KIAA1328: variants seen among roughly 807,000 people sequenced by gnomAD.
KIAA1328 encodes the protein KIAA1328.
Under a neutral mutation model 68.1 loss-of-function variants are expected in KIAA1328, and 52 were observed. That is an observed-to-expected ratio of 0.76 (90% CI 0.61 to 0.96). KIAA1328 has a LOEUF of 0.96. Ranked by LOEUF, KIAA1328 falls within the 40% of genes least tolerant of loss-of-function variation. KIAA1328 has a pLI of 0.00. For missense variants in KIAA1328, 641 were observed against 677.6 expected (o/e 0.95, Z 0.60); for synonymous variants, 232 against 239.4 (o/e 0.97, Z 0.28).
intron 5 of KIAA1328, among the ~76,000 whole-genome samples, chr18:36,927,787 AG>A (rs918589638): frequency 1.3e-5 from 2 of 151,266 alleles, no homozygotes; most frequent in Admixed American, 6.6e-5. Context: ...GAAAGAAATG[AG>A]TGGGGTGGAA....
At chr18:36,924,682 G>A (rs1010841975) in intron 5 of KIAA1328, among the ~76,000 whole-genome samples, 12 of 152,040 alleles carry the variant, frequency 7.9e-5, no homozygotes, top group African/African-American at 2.9e-4. Flanking sequence ...GGATAAGATT[G>A]CCCAGAGAGA....
chr18:36,894,763 G>A (rs1040723266), intron 5 of KIAA1328, among the ~76,000 whole-genome samples: 3 of 152,068 alleles, frequency 2.0e-5, no homozygotes, highest in Admixed American at 6.6e-5. Context: ...GGGCTCAAGC[G>A]ATCCTCTCAC....
intron 5 of KIAA1328, among the ~76,000 whole-genome samples, chr18:36,897,488 A>T (rs2048901561): frequency 2.0e-5 from 3 of 152,106 alleles, no homozygotes; most frequent in Admixed American, 2.0e-4. Flanking sequence ...GGCAAAGGAG[A>T]AAAGAAGATG....
At chr18:37,046,521 T>G (rs1057347582) in intron 6 of KIAA1328, among the ~76,000 whole-genome samples, 1 of 152,206 alleles carries the variant, frequency 6.6e-6, no homozygotes, top group Non-Finnish European at 1.5e-5. Flanking sequence ...TAAATTAAAT[T>G]TCTTTTAAAA....
At chr18:36,876,236 G>A (rs1345735229) in intron 4 of KIAA1328, among the ~76,000 whole-genome samples, 1 of 152,120 alleles carries the variant, frequency 6.6e-6, no homozygotes, top group African/African-American at 2.4e-5. Flanking sequence ...GTTTCCAAAG[G>A]AATGGTACCA....
intron 9 of KIAA1328, among the ~76,000 whole-genome samples, chr18:37,201,721 C>A (rs1193059774): frequency 1.3e-5 from 2 of 152,200 alleles, no homozygotes; most frequent in Non-Finnish European, 1.5e-5. Context: ...CACCATCAGA[C>A]TGTGCCTGTA....
At chr18:36,932,959 G>GT (rs35667997) in intron 5 of KIAA1328, among the ~76,000 whole-genome samples, 2 of 152,122 alleles carry the variant, frequency 1.3e-5, no homozygotes, top group Admixed American at 6.5e-5. Context: ...AAAGGATGAC[G>GT]TTTTTTGAAA....
At chr18:37,024,205 G>A (rs912992815) in intron 6 of KIAA1328, among the ~76,000 whole-genome samples, 4 of 151,784 alleles carry the variant, frequency 2.6e-5, no homozygotes, top group African/African-American at 7.3e-5. Flanking sequence ...TGTTGATCGG[G>A]CTGGTCCTGA....
At chr18:36,869,572 GT>G (rs1392137146) in intron 4 of KIAA1328, among the ~76,000 whole-genome samples, 1 of 152,208 alleles carries the variant, frequency 6.6e-6, no homozygotes, top group Non-Finnish European at 1.5e-5. Context: ...ACAGGTACAT[GT>G]GATATGCAAG....
At chr18:37,131,812 G>T (rs1340809789) in intron 7 of KIAA1328, among the ~76,000 whole-genome samples, 2 of 152,136 alleles carry the variant, frequency 1.3e-5, no homozygotes, top group Admixed American at 6.6e-5. Flanking sequence ...ACACTCGGGG[G>T]TAACTAGAGA....
chr18:36,890,335 G>C (rs1463764538), intron 5 of KIAA1328, among the ~76,000 whole-genome samples: 1 of 150,656 alleles, frequency 6.6e-6, no homozygotes, highest in African/African-American at 2.4e-5. Flanking sequence ...GTAATAACCA[G>C]TCAGAAGATA....
chr18:36,874,535 TG>T (rs2048055898), intron 4 of KIAA1328, among the ~76,000 whole-genome samples: 1 of 152,226 alleles, frequency 6.6e-6, no homozygotes, highest in Non-Finnish European at 1.5e-5. Flanking sequence ...TGGGGTTGTT[TG>T]TTTTTTTCTT....
At chr18:36,893,461 GTT>G (rs1239854969) in intron 5 of KIAA1328, among the ~76,000 whole-genome samples, 13 of 102,870 alleles carry the variant, frequency 1.3e-4, no homozygotes, top group African/African-American at 3.8e-4. Flanking sequence ...GTGTGTGTGT[GTT>G]TTTGTGTGTG....
intron 9 of KIAA1328, among the ~76,000 whole-genome samples, chr18:37,207,696 T>C (rs904625385): frequency 3.3e-5 from 5 of 152,214 alleles, no homozygotes; most frequent in African/African-American, 1.2e-4. Flanking sequence ...ACTTCACATC[T>C]TAGGCTACAG....
chr18:37,041,650 GT>G (rs1477425345), intron 6 of KIAA1328, among the ~76,000 whole-genome samples: 6 of 133,018 alleles, frequency 4.5e-5, no homozygotes, highest in African/African-American at 1.7e-4. Context: ...TTGTGTGTGT[GT>G]GTGTGTGTGT....
chr18:37,185,325 C>T (rs1352173748), intron 9 of KIAA1328, among the ~76,000 whole-genome samples: 1 of 152,070 alleles, frequency 6.6e-6, no homozygotes, highest in African/African-American at 2.4e-5. Flanking sequence ...TGTGAACATA[C>T]TGAAGGTTTA....
downstream of KIAA1328, among the ~76,000 whole-genome samples, chr18:37,227,624 T>A (rs2060646794): frequency 6.6e-6 from 1 of 152,232 alleles, no homozygotes; most frequent in African/African-American, 2.4e-5. Flanking sequence ...TTACTGAATA[T>A]TTTAAGCACA....
chr18:36,838,990 C>G (rs1234784720), intron 3 of KIAA1328, among the ~76,000 whole-genome samples: 1 of 152,180 alleles, frequency 6.6e-6, no homozygotes, highest in African/African-American at 2.4e-5. Flanking sequence ...GCCTCGGCCT[C>G]CCAAAGTGCT....
intron 4 of KIAA1328, among the ~76,000 whole-genome samples, chr18:36,844,921 A>G (rs948789054): frequency 6.6e-6 from 1 of 151,854 alleles, no homozygotes; most frequent in Non-Finnish European, 1.5e-5. Context: ...TAAAAGTTAA[A>G]TTTACGGAGA....
Sources: gnomAD v4.1 joint callset for allele counts (sites outside exome capture counted in the v4.1 genomes callset) on GRCh38, gnomAD v4.1.1 for gene constraint, MANE v1.5 for transcripts, NCBI Gene and HGNC (gene_info 2026-07-23, HGNC 2026-07-21) for gene names.